Variants in CTU2 observed in about 807,000 individuals in gnomAD.
CTU2 encodes cytosolic thiouridylase subunit 2.
Under a neutral mutation model 64.1 loss-of-function variants are expected in CTU2, and 80 were observed. The ratio of observed to expected loss-of-function variants is 1.25; its 90% CI spans 1.04 to 1.50. The LOEUF (loss-of-function observed/expected upper bound fraction) is 1.50, where lower values mean the gene tolerates loss of function less well. Among genes scored for constraint, CTU2 ranks in the 40% most tolerant of loss-of-function variants. CTU2 has a pLI of 0.00. For synonymous variants in CTU2, 482 were observed against 285.3 expected (o/e 1.69, Z -6.95); for missense variants, 1,110 against 690.2 (o/e 1.61, Z -6.81).
At chr16:88,712,431 G>T in intron 6 of CTU2, 48 bp downstream of exon 6, 1 of 1,502,818 alleles carries the variant, frequency 6.7e-7, no homozygotes, top group Non-Finnish European at 9.0e-7. Flanking sequence ...ACCCCTGGGG[G>T]GCACCTGCCC....
intron 4 of CTU2, chr16:88,710,860 C>T (rs888743413): frequency 9.5e-5 from 15 of 157,168 alleles, no homozygotes; most frequent in Admixed American, 5.2e-4. Flanking sequence ...GAGGTGGAGG[C>T]GGGCTTAGGC....
At chr16:88,714,109 C>G (rs767079692) in intron 9 of CTU2, 27 bp from the exon 10 acceptor site, 1 of 1,607,962 alleles carries the variant, frequency 6.2e-7, no homozygotes, top group Non-Finnish European at 8.5e-7. Flanking sequence ...TGGGCTTTCC[C>G]ATAGCCTCCA....
chr16:88,714,702 C>G lies in CTU2; in HGVS notation c.1317C>G (p.Gly439=). Residue 439 remains glycine (G), a synonymous_variant, in exon 12 of 15, where the codon GGC becomes GGG. Coordinates refer to ENST00000453996, the MANE Select transcript of CTU2 (RefSeq NM_001012759.3). ...PPGPCCSPGV[G]WAQRCGQGAC... Reference sequence around the variant, plus strand: ...GGCCCTGCTGTTCTCCAGGGGTGGGCTGGGCCCAGCGCTGTGGCCAGGGGG... The same window carrying G: ...GGCCCTGCTGTTCTCCAGGGGTGGGGTGGGCCCAGCGCTGTGGCCAGGGGG... 3 of 1,611,010 alleles carry G rather than the reference C, an allele frequency of 1.9e-6. No individual in the cohort carries two copies. In the South Asian group the frequency reaches 3.3e-5, roughly 18 times the overall value.
Position 88,715,072 on chromosome 16 carries a change from T to C in CTU2, c.1444T>C (p.Tyr482His). The change falls in exon 14 of 15, where the codon TAC becomes CAC. Residue 482 changes from tyrosine to histidine, a missense_variant. Transcript: ENST00000453996. ...GCCCTCACTGGACCCCCTGCCGCCG[T>C]ACATCCTGGCTGAGGCCCAGCTCCG... ...DLPSLDPLPP[Y>H]ILAEAQLRTQ... 6.4e-7 allele frequency: 1 copy of C among 1,574,632 alleles called. No individual in the cohort carries two copies. The highest frequency in any genetic ancestry group is 1.7e-4 in the Middle Eastern group (1 of 5,890).
chr16:88,715,278 C>T lies in CTU2; in HGVS notation c.*27C>T. On this transcript the variant is annotated 3_prime_UTR_variant, in exon 15 of 15. Transcript: ENST00000453996. The stretch of plus-strand genomic sequence containing the variant: ...CGTGAGGACGTGCTTGCCGGGACAG[C>T]AGGCAGTGGCCACCTGGTACACCAC... 6.2e-7 allele frequency: 1 copy of T among 1,605,576 alleles called. No homozygotes were observed. The highest frequency in any genetic ancestry group is 2.2e-5 in the East Asian group (1 of 44,758).
Position 88,715,003 on chromosome 16 carries a change from G to T in CTU2, c.1420-45G>T, listed in dbSNP as rs779183652. ...GTCACCTCGTGGGTGGCTTGAGGGG[G>T]TGCTGGCAGGTTTCTTGGCCCCTCG... On this transcript the variant is annotated intron_variant, in intron 13 of 14. Coordinates refer to ENST00000453996, the MANE Select transcript of CTU2 (RefSeq NM_001012759.3). The T allele has an allele frequency of 1.9e-6, 3 of 1,591,522 alleles. No homozygotes were observed. The South Asian group carries it at 3.3e-5, about 18-fold the overall frequency.
chr16:88,710,363 G>C (rs1354663297), intron 4 of CTU2, 81 bp downstream of exon 4: 1 of 1,490,100 alleles, frequency 6.7e-7, no homozygotes, highest in African/African-American at 1.4e-5. Context: ...CTGCTGAGGG[G>C]CTCTTGGTTG....
At chr16:88,710,549 C>T (rs528945346) in intron 4 of CTU2, 97 of 496,998 alleles carry the variant, frequency 2.0e-4, no homozygotes, top group African/African-American at 1.0e-3. Context: ...GTGTGCGGCC[C>T]ACTCTCAGAT....
intron 5 of CTU2, 52 bp from the exon 6 acceptor site, chr16:88,712,222 G>A: frequency 1.3e-6 from 2 of 1,487,500 alleles, no homozygotes; most frequent in East Asian, 2.4e-5. Context: ...CCTGCAGCCT[G>A]CCCTGCCTGG....
chr16:88,712,513 C>A (rs1401070598), intron 6 of CTU2, 109 bp from the exon 7 acceptor site: 4 of 1,490,832 alleles, frequency 2.7e-6, no homozygotes, highest in Non-Finnish European at 3.6e-6. Context: ...GAGGCACCTG[C>A]CCGTGCCCCA....
chr16:88,714,784 G>A, intron 12 of CTU2, 47 bp downstream of exon 12: 1 of 1,607,686 alleles, frequency 6.2e-7, no homozygotes, highest in South Asian at 1.1e-5. Flanking sequence ...TGGGGCGGGA[G>A]GGGGACCTGT....
At chr16:88,707,002 G>T (rs1240899464) in intron 1 of CTU2, 134 bp from the exon 2 acceptor site, 2 of 794,890 alleles carry the variant, frequency 2.5e-6, no homozygotes, top group Admixed American at 4.2e-5. Flanking sequence ...ACAAGCCTGG[G>T]TTTGTGTGTG....
Position 88,714,881 on chromosome 16 carries a change from TGAG to T in CTU2, c.1378_1380del (p.Glu460del), listed in dbSNP as rs1911795782. ...GCAGGGAGGACCCCCAAGCCTGCAT[TGAG>T]GAGCAGCTGTGCTACAGCTGCCGCG... is the stretch of plus-strand genomic sequence containing the variant. On this transcript the variant is annotated inframe_deletion, in exon 13 of 15. Coordinates refer to ENST00000453996, the MANE Select transcript of CTU2 (RefSeq NM_001012759.3). 5 of 1,612,618 alleles carry T rather than the reference TGAG, an allele frequency of 3.1e-6. No homozygotes were observed. Among genetic ancestry groups the T allele is most frequent in the Non-Finnish European group, 4.2e-6 (5 of 1,179,874 alleles).
intron 1 of CTU2, 29 bp from the exon 2 acceptor site, chr16:88,707,107 C>T (rs773224445): frequency 6.8e-6 from 11 of 1,608,624 alleles, no homozygotes; most frequent in Non-Finnish European, 7.7e-6. Flanking sequence ...ATCTGTGTTT[C>T]TCTCTTCTCC....
intron 6 of CTU2, 79 bp from the exon 7 acceptor site, chr16:88,712,543 C>A: frequency 6.5e-7 from 1 of 1,546,694 alleles, no homozygotes. Context: ...CCGTCTCCCG[C>A]ATCCCGGAAG....
chr16:88,714,613 ACCT>A lies in CTU2; in HGVS notation c.1233_1235del (p.Ser412del), dbSNP rs776284244. The A allele has an allele frequency of 5.6e-6, 9 of 1,612,040 alleles. No homozygotes were observed. Among genetic ancestry groups the A allele is most frequent in the Middle Eastern group, 1.6e-4 (1 of 6,082 alleles). Reference sequence around the variant, plus strand: ...CAGTGCCACGGCTTTTGGGGCTCAGACCTCCTCGCGTCTCTCCCAGATGCAGTC... The same window carrying A: ...CAGTGCCACGGCTTTTGGGGCTCAGACCTCGCGTCTCTCCCAGATGCAGTC... On this transcript the variant is annotated inframe_deletion, in exon 12 of 15. Coordinates refer to ENST00000453996, the MANE Select transcript of CTU2 (RefSeq NM_001012759.3).
Position 88,714,843 on chromosome 16 carries a change from C to T in CTU2, c.1353-17C>T, listed in dbSNP as rs757013050. On this transcript the variant is annotated splice_polypyrimidine_tract_variant and intron_variant, in intron 12 of 14. Coordinates refer to ENST00000453996, the MANE Select transcript of CTU2 (RefSeq NM_001012759.3). ...TGAGGTGCCAAGGTGGGCACACAGCCAGCTCTGCTCCCGCAGGGAGGACCC... is the reference window on the plus strand; with the variant it reads ...TGAGGTGCCAAGGTGGGCACACAGCTAGCTCTGCTCCCGCAGGGAGGACCC... 9 of 1,612,516 alleles carry T rather than the reference C, an allele frequency of 5.6e-6. No individual in the cohort carries two copies. Among genetic ancestry groups the T allele is most frequent in the Admixed American group, 3.3e-5 (2 of 60,008 alleles).
At chr16:88,706,721 A>G in intron 1 of CTU2, 123 bp downstream of exon 1, 2 of 678,592 alleles carry the variant, frequency 2.9e-6, no homozygotes, top group Non-Finnish European at 2.2e-6. Flanking sequence ...CTCGCTCCCT[A>G]GCACTCGGGG....
rs768437983 is a variant in CTU2 at position 88,712,822 on chromosome 16, C to T, written c.654C>T (p.Ala218=). Residue 218 remains alanine, a synonymous_variant, in exon 7 of 15, where the codon GCC becomes GCT. Coordinates refer to ENST00000453996, the MANE Select transcript of CTU2 (RefSeq NM_001012759.3). ...LDPQNLARPP[A]PAQTEALSQL... ...CCCAGAACCTGGCAAGACCGCCTGC[C>T]CCTGCCCAGACTGAGGCTCTTTCCC... 8 of 1,598,372 alleles carry T rather than the reference C, an allele frequency of 5.0e-6. No homozygotes were observed. The South Asian group carries it at 6.7e-5, about 13-fold the overall frequency.
Sources: gnomAD v4.1 joint callset for allele counts on GRCh38, gnomAD v4.1.1 for gene constraint, MANE v1.5 for transcripts, NCBI Gene and HGNC (gene_info 2026-07-23, HGNC 2026-07-21) for gene names.